IL12RB2: variants seen among roughly 807,000 people sequenced by gnomAD.
The protein encoded by IL12RB2 is interleukin 12 receptor subunit beta 2, also known as interleukin-12 receptor subunit beta-2.
A neutral mutation model predicts 89.4 loss-of-function variants in IL12RB2; 82 were observed. The ratio of observed to expected loss-of-function variants is 0.92; its 90% CI spans 0.77 to 1.10. The LOEUF is 1.10. IL12RB2 is among the 50% of genes least tolerant of loss of function. The pLI, the probability that IL12RB2 is intolerant of heterozygous loss-of-function variation, is 0.00. For missense variants in IL12RB2, 963 were observed against 1,031.9 expected, an observed-to-expected ratio of 0.93 and a Z score of 0.92; for synonymous variants, 368 against 370.1, an observed-to-expected ratio of 0.99 and a Z score of 0.07.
At chr1:67,334,947 T>A (rs898261342) in intron 8 of IL12RB2, among the ~76,000 whole-genome samples, 1 of 152,082 alleles carries the variant, frequency 6.6e-6, no homozygotes, top group East Asian at 1.9e-4. Context: ...GGCTTGAGAA[T>A]GATTCTTTTC....
At chr1:67,334,545 C>A (rs1241763070) in intron 8 of IL12RB2, among the ~76,000 whole-genome samples, 3 of 152,212 alleles carry the variant, frequency 2.0e-5, no homozygotes, top group Non-Finnish European at 4.4e-5. Flanking sequence ...GTGGTGCGAT[C>A]TCGGCTCACT....
At chr1:67,378,471 A>C (rs1664210350) in intron 13 of IL12RB2, among the ~76,000 whole-genome samples, 1 of 152,184 alleles carries the variant, frequency 6.6e-6, no homozygotes, top group Non-Finnish European at 1.5e-5. Flanking sequence ...TCTAGTTTTT[A>C]ATGATTTTAT....
intron 2 of IL12RB2, among the ~76,000 whole-genome samples, chr1:67,315,028 C>A (rs1655586200): frequency 6.6e-6 from 1 of 152,060 alleles, no homozygotes; most frequent in Non-Finnish European, 1.5e-5. Context: ...TTGGAAGATA[C>A]CTCATTTACT....
At chr1:67,378,979 C>G (rs1391760308) in intron 13 of IL12RB2, among the ~76,000 whole-genome samples, 1 of 151,972 alleles carries the variant, frequency 6.6e-6, no homozygotes, top group Non-Finnish European at 1.5e-5. Flanking sequence ...GGGCAGATCA[C>G]TTGAGGCCAG....
chr1:67,373,890 T>C (rs3828069), intron 13 of IL12RB2, among the ~76,000 whole-genome samples: 23,269 of 152,218 alleles, frequency 0.15, 2,267 homozygotes, highest in East Asian at 0.39. Flanking sequence ...GGAAGCTTTA[T>C]GAGTTGGTCT....
chr1:67,380,927 T>C (rs1570161679), intron 14 of IL12RB2, among the ~76,000 whole-genome samples: 1 of 152,314 alleles, frequency 6.6e-6, no homozygotes, highest in East Asian at 1.9e-4. Context: ...TAATTATATA[T>C]GCAATGATCC....
Position 67,330,787 on chromosome 1 carries a change from T to G in IL12RB2, c.935T>G (p.Leu312Trp). The change falls in exon 8 of 17, where the codon TTG becomes TGG. Residue 312 changes from leucine to tryptophan, a missense_variant. Coordinates refer to ENST00000674203, the MANE Select transcript of IL12RB2 (RefSeq NM_001374259.2). The stretch of plus-strand genomic sequence containing the variant: ...AGTTGGAGTGATTGGAGTGAATCAT[T>G]GAGAGCACAAACACCAGAAGAAGGT... Reference protein sequence around the residue: ...KGSWSDWSESLRAQTPEEEPT... With the variant: ...KGSWSDWSESWRAQTPEEEPT... The G allele has an allele frequency of 6.3e-7, 1 of 1,578,632 alleles. No individual in the cohort carries two copies. The highest frequency in any genetic ancestry group is 8.7e-7 in the Non-Finnish European group (1 of 1,147,848).
Position 67,380,195 on chromosome 1 carries a change from G to A in IL12RB2, c.1855+72G>A. On this transcript the variant is annotated intron_variant, in intron 14 of 16. Coordinates refer to ENST00000674203, the MANE Select transcript of IL12RB2 (RefSeq NM_001374259.2). ...CAGGCATGCACTCCTATTACATTTG[G>A]TATAGAGATAATCAGATTTTCTTTA... The A allele has an allele frequency of 4.7e-6, 7 of 1,481,808 alleles. No individual in the cohort carries two copies. The South Asian group carries it at 5.7e-5, about 12-fold the overall frequency. 91.8% of individuals were successfully genotyped at this position (1,481,808 alleles called of 1,614,324 possible).
At chr1:67,309,045 CAT>C (rs146292829) in intron 1 of IL12RB2, among the ~76,000 whole-genome samples, 29 of 149,392 alleles carry the variant, frequency 1.9e-4, no homozygotes, top group Admixed American at 6.7e-4. Flanking sequence ...CATACATATA[CAT>C]ATATATATAT....
chr1:67,387,958 A>G (rs914801931), intron 15 of IL12RB2, among the ~76,000 whole-genome samples: 1 of 152,126 alleles, frequency 6.6e-6, no homozygotes, highest in African/African-American at 2.4e-5. Context: ...CAGGCAGATC[A>G]CCTCAGGTCA....
intron 9 of IL12RB2, among the ~76,000 whole-genome samples, chr1:67,340,878 G>T (rs1440753346): frequency 6.6e-6 from 1 of 152,154 alleles, no homozygotes; most frequent in Admixed American, 6.5e-5. Context: ...AATTTGGAGG[G>T]ACTTCAAAGC....
intron 10 of IL12RB2, among the ~76,000 whole-genome samples, chr1:67,365,556 G>C (rs1662578752): frequency 6.6e-6 from 1 of 152,152 alleles, no homozygotes; most frequent in African/African-American, 2.4e-5. Context: ...TGGACCAATA[G>C]TCAGACATTA....
At chr1:67,313,794 C>G (rs1453887943) in intron 1 of IL12RB2, 119 bp from the exon 2 acceptor site, 4 of 152,252 alleles carry the variant, frequency 2.6e-5, no homozygotes, top group African/African-American at 7.2e-5. Context: ...CCATTGCACT[C>G]CAGCCTGGGT....
chr1:67,345,087 C>T (rs1660069169), intron 9 of IL12RB2, among the ~76,000 whole-genome samples: 1 of 152,124 alleles, frequency 6.6e-6, no homozygotes, highest in Non-Finnish European at 1.5e-5. Context: ...AGGAGAATCA[C>T]TTGAACCCAG....
chr1:67,392,290 G>C (rs1227080786), intron 16 of IL12RB2, among the ~76,000 whole-genome samples: 1 of 152,094 alleles, frequency 6.6e-6, no homozygotes, highest in East Asian at 1.9e-4. Context: ...AGGTGCACCA[G>C]GATGCAAATT....
At chr1:67,346,209 A>G (rs968285069) in intron 9 of IL12RB2, among the ~76,000 whole-genome samples, 1 of 152,294 alleles carries the variant, frequency 6.6e-6, no homozygotes, top group Admixed American at 6.5e-5. Context: ...ATTCATGAGT[A>G]AAGTGCAGAT....
intron 1 of IL12RB2, among the ~76,000 whole-genome samples, chr1:67,310,939 G>A (rs766975136): frequency 2.6e-5 from 4 of 152,058 alleles, no homozygotes; most frequent in Admixed American, 6.6e-5. Flanking sequence ...TGGTTAGGAT[G>A]GTCTCGATCT....
intron 10 of IL12RB2, among the ~76,000 whole-genome samples, chr1:67,357,304 G>C (rs1426838141): frequency 1.3e-5 from 2 of 152,194 alleles, no homozygotes; most frequent in African/African-American, 2.4e-5. Flanking sequence ...CTTGAAACTG[G>C]GAAGTGGAGG....
At chr1:67,349,187 G>A (rs1192238320) in intron 9 of IL12RB2, among the ~76,000 whole-genome samples, 2 of 152,212 alleles carry the variant, frequency 1.3e-5, no homozygotes, top group Non-Finnish European at 2.9e-5. Flanking sequence ...ATGAAGGACA[G>A]TGGGAGGGAG....
Sources: allele counts gnomAD v4.1 joint callset (sites outside exome capture counted in the v4.1 genomes callset), GRCh38; gene constraint gnomAD v4.1.1; transcripts MANE v1.5; gene names NCBI Gene and HGNC (gene_info 2026-07-23, HGNC 2026-07-21).